ATF7IP: variants seen among roughly 807,000 people sequenced by gnomAD.
ATF7IP encodes activating transcription factor 7-interacting protein 1.
In ATF7IP, 23 loss-of-function variants were observed where a neutral mutation model predicts 106.4. The observed-to-expected ratio is 0.22, with a 90% CI of 0.16 to 0.31. ATF7IP has a LOEUF of 0.31. ATF7IP is among the 10% of genes least tolerant of loss of function. ATF7IP has a pLI of 1.00. For synonymous variants in ATF7IP, 542 were observed against 539.0 expected, an observed-to-expected ratio of 1.01 and a Z score of -0.08; for missense variants, 1,334 against 1,524.3, an observed-to-expected ratio of 0.88 and a Z score of 2.08.
At chr12:14,412,307 T>C (rs531376033) in intron 1 of ATF7IP, among the ~76,000 whole-genome samples, 199 of 152,324 alleles carry the variant, frequency 1.3e-3, no homozygotes, top group African/African-American at 4.5e-3. Context: ...AGCTTACCAG[T>C]GTCTGCAAAG....
chr12:14,457,436 A>G, intron 8 of ATF7IP, 141 bp downstream of exon 8: 1 of 637,208 alleles, frequency 1.6e-6, no homozygotes, highest in South Asian at 2.0e-5. Flanking sequence ...TTAAAAATTC[A>G]GGATCAAACT....
At chr12:14,444,070 A>G (rs959661627) in intron 5 of ATF7IP, among the ~76,000 whole-genome samples, 3 of 152,228 alleles carry the variant, frequency 2.0e-5, no homozygotes, top group African/African-American at 7.2e-5. Flanking sequence ...AAATCACAGT[A>G]TAGTTCAAAT....
intron 1 of ATF7IP, among the ~76,000 whole-genome samples, chr12:14,395,967 A>T (rs1371760633): frequency 6.6e-6 from 1 of 152,218 alleles, no homozygotes; most frequent in Non-Finnish European, 1.5e-5. Context: ...TTGTATACAA[A>T]AATATAAAAT....
chr12:14,468,281 A>G (rs1943907729), intron 10 of ATF7IP, among the ~76,000 whole-genome samples: 1 of 151,000 alleles, frequency 6.6e-6, no homozygotes, highest in African/African-American at 2.4e-5. Context: ...TCAAAAAAAA[A>G]AAAAAAAAGA....
chr12:14,472,890 A>G (rs539864726), intron 10 of ATF7IP, among the ~76,000 whole-genome samples: 1 of 152,306 alleles, frequency 6.6e-6, no homozygotes, highest in East Asian at 1.9e-4. Context: ...AGTGATTTAC[A>G]AAGACGAGGT....
chr12:14,412,624 T>C (rs1388818298), intron 1 of ATF7IP, among the ~76,000 whole-genome samples: 1 of 152,242 alleles, frequency 6.6e-6, no homozygotes, highest in African/African-American at 2.4e-5. Flanking sequence ...TGTTAAACTC[T>C]TATTCTAATA....
chr12:14,455,959 G>T (rs1256624207), intron 6 of ATF7IP, among the ~76,000 whole-genome samples: 2 of 152,076 alleles, frequency 1.3e-5, no homozygotes, highest in Admixed American at 6.6e-5. Flanking sequence ...TAATATGTAG[G>T]CGTTATAATT....
In ATF7IP at chr12:14,461,043, A is replaced by T; in HGVS notation, c.2707A>T (p.Asn903Tyr). 2 of 1,614,078 alleles carry T rather than the reference A, an allele frequency of 1.2e-6. No individual in the cohort carries two copies. Among genetic ancestry groups the T allele is most frequent in the Non-Finnish European group, 8.5e-7 (1 of 1,180,006 alleles). ...ATCAGGACTCTATAGTCCATCAACT[A>T]ATCGAGGTCCTATACAGATGAAAAT... is the stretch of plus-strand genomic sequence containing the variant. ...GPSGLYSPSTNRGPIQMKIPI... is the reference protein window; with the variant it reads ...GPSGLYSPSTYRGPIQMKIPI... Residue 903 changes from asparagine to tyrosine, a missense_variant, in exon 9 of 15, where the codon AAT becomes TAT. Physicochemically the swap from Asn to Tyr is moderately radical, Grantham distance 143 (BLOSUM62 -2). Transcript: ENST00000261168.
chr12:14,501,818 GGTAA>G lies in ATF7IP; in HGVS notation c.*3748_*3751del, dbSNP rs1279562565. On this transcript the variant is annotated 3_prime_UTR_variant, in exon 15 of 15. Coordinates refer to ENST00000261168, the MANE Select transcript of ATF7IP (RefSeq NM_018179.5). The stretch of plus-strand genomic sequence containing the variant: ...ATCTTACAATTCCCTTACTGCACTG[GGTAA>G]GTGTTAACTTAGTTTTTGTTGTTTG... 1 of 152,068 alleles carries G rather than the reference GGTAA, an allele frequency of 6.6e-6. No individual in the cohort carries two copies. The highest frequency in any genetic ancestry group is 1.5e-5 in the Non-Finnish European group (1 of 67,996). The allele number at this position is 152,068 out of a possible 1,614,324, so 9.4% of individuals were successfully genotyped here.
At position 14,502,710 on chromosome 12, in the gene ATF7IP, T is replaced by TGTAA. The variant is rs1388817111; in HGVS notation, c.*4643_*4646dup. ...ATTGAAAGTGTAAATAATAAGACAA[T>TGTAA]GTAAGTAAGACCTTCCTAATGTCTA... On this transcript the variant is annotated 3_prime_UTR_variant, in exon 15 of 15. Coordinates refer to ENST00000261168, the MANE Select transcript of ATF7IP (RefSeq NM_018179.5). The TGTAA allele has an allele frequency of 6.6e-6, 1 of 152,156 alleles. No individual in the cohort carries two copies. The highest frequency in any genetic ancestry group is 2.4e-5 in the African/African-American group (1 of 41,456). 9.4% of individuals were successfully genotyped at this position (152,156 alleles called of 1,614,324 possible).
intron 13 of ATF7IP, among the ~76,000 whole-genome samples, chr12:14,494,362 T>C (rs1944940330): frequency 7.5e-6 from 1 of 133,838 alleles, no homozygotes; most frequent in Non-Finnish European, 1.6e-5. Flanking sequence ...TATATACACA[T>C]ATGTTTCCTA....
At chr12:14,414,592 A>G (rs1054369328) in intron 1 of ATF7IP, among the ~76,000 whole-genome samples, 12 of 152,210 alleles carry the variant, frequency 7.9e-5, no homozygotes, top group African/African-American at 2.9e-4. Context: ...TATACTGTAT[A>G]TCTCTGTCAT....
Position 14,425,446 on chromosome 12 carries a change from A to G in ATF7IP, c.1531A>G (p.Ile511Val), listed in dbSNP as rs763253197. The G allele has an allele frequency of 2.6e-6, 4 of 1,561,876 alleles. No homozygotes were observed. Among genetic ancestry groups the G allele is most frequent in the Non-Finnish European group, 1.7e-6 (2 of 1,158,408 alleles). ...GGGTGAAAAAGATGAGTCTGAAGTT[A>G]TATCGCAAAATGAAACGTGCTCTCC... ...ISGEKDESEV[I>V]SQNETCSPAE... is the part of the protein sequence containing the mutation. Residue 511 changes from isoleucine (I) to valine (V), a missense_variant, in exon 2 of 15, where the codon ATA becomes GTA. By Grantham distance (29) the Ile-to-Val change is conservative. Transcript: ENST00000261168.
chr12:14,444,854 G>A (rs933388740), intron 5 of ATF7IP, among the ~76,000 whole-genome samples: 12 of 151,962 alleles, frequency 7.9e-5, no homozygotes, highest in East Asian at 5.8e-4. Flanking sequence ...AGCTTCCAGC[G>A]GTGACTACTT....
chr12:14,438,690 A>G (rs1942541624), intron 5 of ATF7IP, among the ~76,000 whole-genome samples: 1 of 152,144 alleles, frequency 6.6e-6, no homozygotes, highest in Non-Finnish European at 1.5e-5. Flanking sequence ...TTTTACAAGG[A>G]CACCAGTCAT....
intron 5 of ATF7IP, among the ~76,000 whole-genome samples, chr12:14,443,245 G>T (rs1232670278): frequency 6.6e-6 from 1 of 152,160 alleles, no homozygotes; most frequent in East Asian, 1.9e-4. Context: ...AACCCAGAAA[G>T]CTTTGCCAGA....
intron 6 of ATF7IP, among the ~76,000 whole-genome samples, chr12:14,451,662 A>G (rs1201820170): frequency 3.3e-5 from 5 of 150,150 alleles, no homozygotes; most frequent in Non-Finnish European, 7.4e-5. Flanking sequence ...CATATTTGTG[A>G]CTTTTCCTAC....
chr12:14,426,185 A>T (rs1941838902), intron 2 of ATF7IP, among the ~76,000 whole-genome samples: 1 of 152,160 alleles, frequency 6.6e-6, no homozygotes, highest in South Asian at 2.1e-4. Flanking sequence ...TTTGTTCAGT[A>T]CCTATCTCTC....
intron 10 of ATF7IP, among the ~76,000 whole-genome samples, chr12:14,474,536 G>A (rs1386428089): frequency 1.3e-5 from 2 of 151,872 alleles, no homozygotes; most frequent in East Asian, 3.9e-4. Context: ...GAGTAGCTGG[G>A]ACTATAGACA....
Sources: allele counts gnomAD v4.1 joint callset (sites outside exome capture counted in the v4.1 genomes callset), GRCh38; gene constraint gnomAD v4.1.1; transcripts MANE v1.5; gene names NCBI Gene and HGNC (gene_info 2026-07-23, HGNC 2026-07-21).